Variants in ADA observed in about 807,000 individuals in gnomAD.
ADA encodes the protein adenosine aminohydrolase.
Under a neutral mutation model 49.0 loss-of-function variants are expected in ADA, and 45 were observed. The observed-to-expected ratio is 0.92, with a 90% CI of 0.72 to 1.18. The LOEUF is 1.18. Among genes scored for constraint, ADA ranks in the 50% most tolerant of loss-of-function variants. ADA has a pLI of 0.00. For synonymous variants in ADA, 173 were observed against 184.2 expected (o/e 0.94, Z 0.49); for missense variants, 445 against 472.5 (o/e 0.94, Z 0.54).
At chr20:44,624,059 G>A in intron 6 of ADA, 143 bp downstream of exon 6, 1 of 1,259,610 alleles carries the variant, frequency 7.9e-7, no homozygotes, top group Non-Finnish European at 1.1e-6. Flanking sequence ...GGGGATTCCA[G>A]TTCCAAGCCT....
intron 10 of ADA, 57 bp from the exon 11 acceptor site, chr20:44,620,458 T>TA: frequency 7.1e-7 from 1 of 1,412,262 alleles, no homozygotes; most frequent in Non-Finnish European, 1.0e-6. Flanking sequence ...AGGCAGCTCT[T>TA]AGCAATGTAG....
At chr20:44,633,246 T>C (rs939586109) in intron 2 of ADA, among the ~76,000 whole-genome samples, 12 of 152,222 alleles carry the variant, frequency 7.9e-5, no homozygotes, top group Non-Finnish European at 8.8e-5. Context: ...ATATTTTCCA[T>C]GTAGGGGTGC....
chr20:44,649,524 G>A (rs1218686068), intron 1 of ADA, among the ~76,000 whole-genome samples: 1 of 151,992 alleles, frequency 6.6e-6, no homozygotes, highest in Non-Finnish European at 1.5e-5. Context: ...TGGACACTGA[G>A]GTCCCAATAG....
chr20:44,642,899 G>A (rs1021115845), intron 1 of ADA, among the ~76,000 whole-genome samples: 4 of 152,184 alleles, frequency 2.6e-5, no homozygotes, highest in African/African-American at 4.8e-5. Flanking sequence ...AGGCAGGAGC[G>A]CCTCTGGGAA....
At position 44,628,585 on chromosome 20, in the gene ADA, T is replaced by C. The variant is rs115163016; in HGVS notation, c.218+462A>G. Among the ~76,000 whole-genome samples the C allele has an allele frequency of 1.5e-3, 228 of 152,214 alleles. 1 individual carries two copies. The highest frequency in any genetic ancestry group is 5.2e-3 in the African/African-American group (217 of 41,524). Reference sequence around the variant, plus strand: ...TAAAGCAGTCATGGAAATTTCTCTCTAGTACTCGCCCATACCCCTTCTGGG... The same window carrying C: ...TAAAGCAGTCATGGAAATTTCTCTCCAGTACTCGCCCATACCCCTTCTGGG... On this transcript the variant is annotated intron_variant, in intron 3 of 11. Coordinates refer to ENST00000372874, the MANE Select transcript of ADA (RefSeq NM_000022.4).
chr20:44,619,571 C>A lies in ADA; in HGVS notation c.*263G>T. Reference sequence around the variant, plus strand: ...TTTATTGAGCACCAGATTTTCAGTACAAGTTGCCACAGAAGGAGGGTTTCA... The same window carrying A: ...TTTATTGAGCACCAGATTTTCAGTAAAAGTTGCCACAGAAGGAGGGTTTCA... On this transcript the variant is annotated 3_prime_UTR_variant, in exon 12 of 12. Transcript: ENST00000372874. The A allele has an allele frequency of 2.1e-6, 1 of 483,156 alleles. No individual in the cohort carries two copies. Among genetic ancestry groups the A allele is most frequent in the Non-Finnish European group, 3.8e-6 (1 of 264,184 alleles). 29.9% of individuals were successfully genotyped at this position (483,156 alleles called of 1,614,324 possible).
In ADA at chr20:44,636,304, G is replaced by C. The variant is rs778197097; in HGVS notation, c.34-16C>G. On this transcript the variant is annotated splice_polypyrimidine_tract_variant and intron_variant, in intron 1 of 11. Coordinates refer to ENST00000372874, the MANE Select transcript of ADA (RefSeq NM_000022.4). ...GCAGTTCCACCTGCAAGGGGGCAGG[G>C]GGAAGAGAGAGAGAAAGGGAGAGAG... 1 of 1,590,130 alleles carries C rather than the reference G, an allele frequency of 6.3e-7. No homozygotes were observed. The highest frequency in any genetic ancestry group is 1.1e-5 in the South Asian group (1 of 88,542).
At chr20:44,622,518 T>G (rs926804484) in intron 9 of ADA, 70 bp downstream of exon 9, 1 of 1,572,542 alleles carries the variant, frequency 6.4e-7, no homozygotes, top group Non-Finnish European at 8.7e-7. Context: ...TGATGCCCAA[T>G]CCCTAAAGTT....
chr20:44,641,856 C>A (rs1384949749), intron 1 of ADA, among the ~76,000 whole-genome samples: 1 of 151,840 alleles, frequency 6.6e-6, no homozygotes, highest in Admixed American at 6.6e-5. Flanking sequence ...CAGCCTCTGC[C>A]TCCCAGGTTC....
chr20:44,624,151 G>A (rs1044836718), intron 6 of ADA, 51 bp downstream of exon 6: 10 of 1,564,518 alleles, frequency 6.4e-6, no homozygotes, highest in Non-Finnish European at 8.7e-6. Context: ...CTATGGGTGG[G>A]AGACAAGCTC....
intron 2 of ADA, among the ~76,000 whole-genome samples, chr20:44,629,543 G>A (rs1199467589): frequency 6.6e-6 from 1 of 152,196 alleles, no homozygotes; most frequent in Non-Finnish European, 1.5e-5. Context: ...TCAGCCCCAG[G>A]AGCTGGCTCA....
At chr20:44,639,150 C>G (rs910783723) in intron 1 of ADA, among the ~76,000 whole-genome samples, 1 of 152,114 alleles carries the variant, frequency 6.6e-6, no homozygotes, top group Non-Finnish European at 1.5e-5. Context: ...TCCTCCAAGG[C>G]CAGTTAGAGG....
At chr20:44,622,238 A>G (rs963596609) in intron 9 of ADA, among the ~76,000 whole-genome samples, 14 of 152,186 alleles carry the variant, frequency 9.2e-5, no homozygotes, top group South Asian at 2.1e-4. Flanking sequence ...AAGAGAGAAC[A>G]TGCTGGCCAG....
chr20:44,650,994 G>A (rs558328462), intron 1 of ADA, among the ~76,000 whole-genome samples: 14 of 152,208 alleles, frequency 9.2e-5, no homozygotes, highest in Non-Finnish European at 1.9e-4. Context: ...AACCCTGCTA[G>A]GGCCCCAAAC....
At chr20:44,621,700 A>G (rs1008365327) in intron 9 of ADA, among the ~76,000 whole-genome samples, 1 of 152,106 alleles carries the variant, frequency 6.6e-6, no homozygotes, top group South Asian at 2.1e-4. Flanking sequence ...GTGACACCAC[A>G]CTTTTGACTT....
chr20:44,637,266 A>G (rs1415999689), intron 1 of ADA, among the ~76,000 whole-genome samples: 1 of 152,114 alleles, frequency 6.6e-6, no homozygotes, highest in African/African-American at 2.4e-5. Context: ...CTCAGACAAG[A>G]CACTTGACCT....
intron 2 of ADA, among the ~76,000 whole-genome samples, chr20:44,630,346 AAAAAAAAAAAG>A (rs1210633910): frequency 2.0e-5 from 3 of 146,970 alleles, no homozygotes; most frequent in Admixed American, 6.8e-5. Flanking sequence ...TCTGTATCAC[AAAAAAAAAAAG>A]AAAAAAAAAA....
intron 9 of ADA, among the ~76,000 whole-genome samples, chr20:44,621,390 C>T (rs2065330236): frequency 6.6e-6 from 1 of 152,122 alleles, no homozygotes; most frequent in Non-Finnish European, 1.5e-5. Flanking sequence ...AGCAGAGGGG[C>T]CAGACATGGG....
In ADA at chr20:44,620,393, A is replaced by T. The variant is rs756329749; in HGVS notation, c.984T>A (p.Asn328Lys). The change falls in exon 11 of 12, where the codon AAT becomes AAA. Residue 328 changes from asparagine (N) to lysine (K), a missense_variant. Physicochemically the swap from Asn to Lys is moderately conservative, Grantham distance 94. Coordinates refer to ENST00000372874, the MANE Select transcript of ADA (RefSeq NM_000022.4). ...TEEEFKRLNI[N>K]AAKSSFLPED... is the part of the protein sequence containing the mutation. ...CTGGGAGGAAACTAGATTTGGCCGC[A>T]TTGATGTTCTGGAAAGGCCAGAATG... The T allele has an allele frequency of 1.2e-6, 2 of 1,614,076 alleles. No homozygotes were observed. The highest frequency in any genetic ancestry group is 4.5e-5 in the East Asian group (2 of 44,896).
Sources: gnomAD v4.1 joint callset for allele counts (sites outside exome capture counted in the v4.1 genomes callset) on GRCh38, gnomAD v4.1.1 for gene constraint, MANE v1.5 for transcripts, NCBI Gene and HGNC (gene_info 2026-07-23, HGNC 2026-07-21) for gene names.